The following PSTPIP2 variants were observed in gnomAD, a reference collection of about 807,000 sequenced individuals.
PSTPIP2 encodes the protein proline-serine-threonine phosphatase interacting protein 2, also known as proline-serine-threonine phosphatase-interacting protein 2.
A neutral mutation model predicts 63.3 loss-of-function variants in PSTPIP2; 33 were observed. The observed-to-expected ratio is 0.52, with a 90% CI of 0.40 to 0.70. The LOEUF is 0.70. PSTPIP2 is among the 30% of genes least tolerant of loss of function. PSTPIP2 has a pLI of 0.00. For synonymous variants in PSTPIP2, 125 were observed against 132.7 expected (o/e 0.94, Z 0.40); for missense variants, 312 against 400.7 (o/e 0.78, Z 1.89).
chr18:46,045,343 G>C (rs1201410256), intron 1 of PSTPIP2, among the ~76,000 whole-genome samples: 2 of 152,288 alleles, frequency 1.3e-5, no homozygotes, highest in East Asian at 3.9e-4. Context: ...AAAAAATGAT[G>C]AGTTCACGTT....
intron 4 of PSTPIP2, among the ~76,000 whole-genome samples, chr18:46,013,116 T>G (rs187732274): frequency 1.6e-3 from 246 of 151,674 alleles, no homozygotes; most frequent in Middle Eastern, 6.8e-3. Context: ...AAACTTATTT[T>G]TTTAGAAAAA....
intron 2 of PSTPIP2, among the ~76,000 whole-genome samples, chr18:46,033,139 C>T (rs1032424129): frequency 6.6e-6 from 1 of 152,220 alleles, no homozygotes; most frequent in Non-Finnish European, 1.5e-5. Flanking sequence ...AATATCAGCA[C>T]TGGCCAGTGA....
intron 14 of PSTPIP2, among the ~76,000 whole-genome samples, chr18:45,987,607 A>G (rs1407277294): frequency 6.6e-6 from 1 of 150,784 alleles, no homozygotes; most frequent in Non-Finnish European, 1.5e-5. Context: ...CAAAAACAGG[A>G]AGGAAAAATA....
intron 2 of PSTPIP2, among the ~76,000 whole-genome samples, chr18:46,027,158 G>C (rs1481706875): frequency 6.6e-6 from 1 of 151,948 alleles, no homozygotes; most frequent in Non-Finnish European, 1.5e-5. Flanking sequence ...AGCCAGGCAT[G>C]GTGGCGCATG....
chr18:46,066,521 C>T (rs1191571590), intron 1 of PSTPIP2, among the ~76,000 whole-genome samples: 1 of 152,114 alleles, frequency 6.6e-6, no homozygotes, highest in Non-Finnish European at 1.5e-5. Context: ...CCTGAGATTA[C>T]GTGGGGAATG....
chr18:46,048,125 A>C (rs373781202), intron 1 of PSTPIP2, among the ~76,000 whole-genome samples: 1 of 152,196 alleles, frequency 6.6e-6, no homozygotes. Flanking sequence ...CCTATTTACA[A>C]GGGTCCTAAG....
At chr18:46,017,082 T>C (rs961887036) in intron 3 of PSTPIP2, among the ~76,000 whole-genome samples, 7 of 152,248 alleles carry the variant, frequency 4.6e-5, no homozygotes, top group African/African-American at 7.2e-5. Context: ...AGTTCCTTCA[T>C]TGAACATCTG....
chr18:46,049,007 CATGTGT>C (rs1189921112), intron 1 of PSTPIP2, among the ~76,000 whole-genome samples: 15 of 93,320 alleles, frequency 1.6e-4, no homozygotes, highest in African/African-American at 1.8e-4. Context: ...AGAAAAAAAG[CATGTGT>C]GTGTGTGTGT....
At chr18:46,022,563 G>A (rs1907402721) in intron 3 of PSTPIP2, among the ~76,000 whole-genome samples, 1 of 152,100 alleles carries the variant, frequency 6.6e-6, no homozygotes, top group Non-Finnish European at 1.5e-5. Flanking sequence ...CATAATTTGT[G>A]ACTCCTACTG....
intron 1 of PSTPIP2, among the ~76,000 whole-genome samples, chr18:46,044,458 T>G (rs1297278192): frequency 2.6e-5 from 4 of 152,190 alleles, no homozygotes; most frequent in Admixed American, 6.5e-5. Flanking sequence ...TAGCCATATG[T>G]AGAAAGGTGA....
At chr18:46,009,427 C>T (rs901424447) in intron 5 of PSTPIP2, among the ~76,000 whole-genome samples, 4 of 137,702 alleles carry the variant, frequency 2.9e-5, no homozygotes, top group Non-Finnish European at 6.1e-5. Flanking sequence ...ACCCAGAGTT[C>T]ATTTTGACAC....
chr18:45,990,427 TG>T (rs1451819632), intron 13 of PSTPIP2, among the ~76,000 whole-genome samples: 14 of 91,210 alleles, frequency 1.5e-4, no homozygotes, highest in African/African-American at 1.2e-3. Context: ...GGGGTTTTTT[TG>T]TTTGTTTGTT....
chr18:46,048,167 G>C (rs1343572114), intron 1 of PSTPIP2, among the ~76,000 whole-genome samples: 1 of 152,190 alleles, frequency 6.6e-6, no homozygotes, highest in Non-Finnish European at 1.5e-5. Context: ...AGTCAGGATA[G>C]GAGATGTCAA....
intron 3 of PSTPIP2, chr18:46,016,214 T>C: frequency 2.6e-6 from 1 of 388,158 alleles, no homozygotes; most frequent in Non-Finnish European, 4.8e-6. Flanking sequence ...GGAGTTATGA[T>C]CCTTTTCTCA....
At chr18:46,038,468 G>GA (rs1908064980) in intron 2 of PSTPIP2, among the ~76,000 whole-genome samples, 1 of 152,104 alleles carries the variant, frequency 6.6e-6, no homozygotes, top group Non-Finnish European at 1.5e-5. Context: ...TCATTCCCAG[G>GA]AGGAAATTTA....
intron 1 of PSTPIP2, among the ~76,000 whole-genome samples, chr18:46,051,366 A>G (rs542001352): frequency 5.3e-5 from 8 of 152,058 alleles, no homozygotes; most frequent in Non-Finnish European, 7.4e-5. Context: ...TCCCAGCTAC[A>G]TGGGAGGCTG....
At chr18:46,032,849 C>T (rs1907833517) in intron 2 of PSTPIP2, among the ~76,000 whole-genome samples, 1 of 151,484 alleles carries the variant, frequency 6.6e-6, no homozygotes, top group Non-Finnish European at 1.5e-5. Flanking sequence ...CCTTTTCCAT[C>T]AGGTCTGAAA....
intron 1 of PSTPIP2, among the ~76,000 whole-genome samples, chr18:46,047,401 C>T (rs956146026): frequency 6.6e-6 from 1 of 152,142 alleles, no homozygotes; most frequent in Non-Finnish European, 1.5e-5. Context: ...AGTGAAACCT[C>T]GTCTCTACTA....
chr18:46,012,233 G>C (rs1201954200), intron 4 of PSTPIP2, among the ~76,000 whole-genome samples: 1 of 151,938 alleles, frequency 6.6e-6, no homozygotes, highest in Non-Finnish European at 1.5e-5. Flanking sequence ...AAATATTCTT[G>C]ATATTGGCAA....
Sources: gnomAD v4.1 joint callset for allele counts (sites outside exome capture counted in the v4.1 genomes callset) on GRCh38, gnomAD v4.1.1 for gene constraint, MANE v1.5 for transcripts, NCBI Gene and HGNC (gene_info 2026-07-23, HGNC 2026-07-21) for gene names.